The following EPHB1 variants were observed in gnomAD, a reference collection of about 807,000 sequenced individuals.
EPHB1 encodes the protein ephrin type-B receptor 1.
Under a neutral mutation model 94.4 loss-of-function variants are expected in EPHB1, and 30 were observed. The ratio of observed to expected loss-of-function variants is 0.32; its 90% CI spans 0.24 to 0.43. The LOEUF is 0.43. EPHB1 is among the 20% of genes least tolerant of loss of function. The probability of loss-of-function intolerance (pLI) is 1.00; values close to 1 mark genes in which losing one functional copy is unlikely to be tolerated. For synonymous variants in EPHB1, 522 were observed against 489.1 expected, an observed-to-expected ratio of 1.07 and a Z score of -0.89; for missense variants, 1,055 against 1,308.3, an observed-to-expected ratio of 0.81 and a Z score of 2.99.
chr3:135,000,887 G>A (rs1935150643), intron 3 of EPHB1, among the ~76,000 whole-genome samples: 2 of 152,166 alleles, frequency 1.3e-5, no homozygotes, highest in Non-Finnish European at 1.5e-5. Context: ...AACCCTGCCA[G>A]GAGCCAGGAA....
chr3:134,980,426 C>T (rs1018988909), intron 3 of EPHB1, among the ~76,000 whole-genome samples: 1 of 152,038 alleles, frequency 6.6e-6, no homozygotes, highest in Non-Finnish European at 1.5e-5. Flanking sequence ...GTCACAAGCC[C>T]AGCCAGATTC....
At chr3:135,244,915 A>T (rs1480607294) in intron 13 of EPHB1, among the ~76,000 whole-genome samples, 2 of 152,224 alleles carry the variant, frequency 1.3e-5, no homozygotes, top group Non-Finnish European at 2.9e-5. Context: ...ATGTGCAAGA[A>T]GCATTAATGC....
chr3:135,256,938 A>ACTT (rs1024071714), intron 15 of EPHB1, among the ~76,000 whole-genome samples: 28 of 143,136 alleles, frequency 2.0e-4, no homozygotes, highest in African/African-American at 7.0e-4. Flanking sequence ...TTTTCTCTAA[A>ACTT]CTTCCCTTCT....
chr3:135,080,704 C>A (rs780406042), intron 3 of EPHB1, among the ~76,000 whole-genome samples: 70 of 152,092 alleles, frequency 4.6e-4, no homozygotes, highest in Non-Finnish European at 9.1e-4. Context: ...CACACCTTCC[C>A]TGTACTTTGA....
At chr3:135,173,184 G>A (rs539718683) in intron 9 of EPHB1, among the ~76,000 whole-genome samples, 28 of 151,390 alleles carry the variant, frequency 1.8e-4, no homozygotes, top group Non-Finnish European at 2.2e-4. Flanking sequence ...ACAGGCGCGC[G>A]CCACTACGCC....
At chr3:135,103,139 AAAAAAAG>A (rs1035289171) in intron 3 of EPHB1, among the ~76,000 whole-genome samples, 22 of 152,228 alleles carry the variant, frequency 1.4e-4, no homozygotes, top group African/African-American at 5.3e-4. Flanking sequence ...ACTTAAAGTA[AAAAAAAG>A]AAAAAAGAAA....
intron 1 of EPHB1, among the ~76,000 whole-genome samples, chr3:134,918,745 C>T (rs1202531877): frequency 1.3e-5 from 2 of 152,186 alleles, no homozygotes; most frequent in African/African-American, 4.8e-5. Flanking sequence ...CTATCCTGCA[C>T]CTCTTCTGGG....
intron 2 of EPHB1, among the ~76,000 whole-genome samples, chr3:134,928,226 T>G (rs2038832889): frequency 6.6e-6 from 1 of 152,220 alleles, no homozygotes; most frequent in South Asian, 2.1e-4. Context: ...CTTCTCCTTT[T>G]ATTATCTTCA....
chr3:134,798,138 C>A (rs1275075944), intron 1 of EPHB1, among the ~76,000 whole-genome samples: 1 of 152,182 alleles, frequency 6.6e-6, no homozygotes, highest in African/African-American at 2.4e-5. Flanking sequence ...TTCAGACTCT[C>A]ATGTGTCTGT....
intron 1 of EPHB1, among the ~76,000 whole-genome samples, chr3:134,820,738 G>C (rs1392820857): frequency 6.6e-6 from 1 of 151,992 alleles, no homozygotes; most frequent in Non-Finnish European, 1.5e-5. Flanking sequence ...CTCTTTTCTT[G>C]GAACTCTCCA....
chr3:135,166,187 A>T, intron 8 of EPHB1, 111 bp downstream of exon 8: 2 of 737,392 alleles, frequency 2.7e-6, no homozygotes. Context: ...GACCACAATC[A>T]TCACTCCATC....
At chr3:134,934,266 G>A (rs944973761) in intron 2 of EPHB1, among the ~76,000 whole-genome samples, 12 of 152,130 alleles carry the variant, frequency 7.9e-5, no homozygotes, top group African/African-American at 2.4e-4. Flanking sequence ...TATATAATAC[G>A]CGTCTTTTAG....
intron 3 of EPHB1, among the ~76,000 whole-genome samples, chr3:135,097,247 T>C (rs1156504509): frequency 1.4e-5 from 2 of 141,328 alleles, no homozygotes; most frequent in African/African-American, 5.2e-5. Flanking sequence ...GAACCTGGCC[T>C]AGATCACTAC....
chr3:134,841,961 T>C (rs941488474), intron 1 of EPHB1, among the ~76,000 whole-genome samples: 3 of 152,178 alleles, frequency 2.0e-5, no homozygotes, highest in Non-Finnish European at 4.4e-5. Flanking sequence ...GGGGACATCA[T>C]AGACATCCCC....
At chr3:135,215,080 G>T (rs1360031434) in intron 12 of EPHB1, among the ~76,000 whole-genome samples, 3 of 152,156 alleles carry the variant, frequency 2.0e-5, no homozygotes, top group South Asian at 2.1e-4. Context: ...GAGTGTTGTG[G>T]ATGCTACCAT....
At position 135,201,831 on chromosome 3, in the gene EPHB1, G is replaced by T. The variant is rs939818602; in HGVS notation, c.2346+142G>T. The T allele has an allele frequency of 4.9e-6, 4 of 815,336 alleles. No individual in the cohort carries two copies. The East Asian group carries it at 8.1e-5, about 16-fold the overall frequency. 50.5% of individuals were successfully genotyped at this position (815,336 alleles called of 1,614,324 possible). A position where few individuals can be genotyped will look rare whatever the true frequency, so the allele number is the denominator to read the frequency against. ...CACTGAAAGACCAAGATGCCAGGAGGACCATCCAGCTGGGAGAAGCCATAG... is the reference window on the plus strand; with the variant it reads ...CACTGAAAGACCAAGATGCCAGGAGTACCATCCAGCTGGGAGAAGCCATAG... On this transcript the variant is annotated intron_variant, in intron 12 of 15. Coordinates refer to ENST00000398015, the MANE Select transcript of EPHB1 (RefSeq NM_004441.5).
intron 3 of EPHB1, among the ~76,000 whole-genome samples, chr3:134,958,789 A>G (rs1933386975): frequency 6.6e-6 from 1 of 152,164 alleles, no homozygotes; most frequent in Non-Finnish European, 1.5e-5. Flanking sequence ...CATGAGCAAC[A>G]GCACAGGGAG....
chr3:135,168,281 C>T (rs576308837), intron 9 of EPHB1, among the ~76,000 whole-genome samples: 18 of 152,352 alleles, frequency 1.2e-4, no homozygotes, highest in African/African-American at 4.1e-4. Context: ...TGCTTTCCCA[C>T]GGTGCCCCAG....
chr3:134,848,383 G>A (rs1311109605), intron 1 of EPHB1, among the ~76,000 whole-genome samples: 1 of 152,198 alleles, frequency 6.6e-6, no homozygotes, highest in Non-Finnish European at 1.5e-5. Flanking sequence ...TGTTTATAGT[G>A]TTGTTAATTA....
Sources: gnomAD v4.1 joint callset for allele counts (sites outside exome capture counted in the v4.1 genomes callset) on GRCh38, gnomAD v4.1.1 for gene constraint, MANE v1.5 for transcripts, NCBI Gene and HGNC (gene_info 2026-07-23, HGNC 2026-07-21) for gene names.